The following IFT56 variants were observed in gnomAD, a reference collection of about 807,000 sequenced individuals.
IFT56 encodes the protein intraflagellar transport 56.
chr7:139,147,165 G>T, the IFT56 span: 1 of 1,612,930 alleles, frequency 6.2e-7, no homozygotes, highest in Non-Finnish European at 8.5e-7. Context: ...AGAAAAAATT[G>T]ATGAGCTTTC....
At chr7:139,187,631 CAT>C in the IFT56 span, 1 of 1,448,928 alleles carries the variant, frequency 6.9e-7, no homozygotes, top group Non-Finnish European at 9.5e-7. Flanking sequence ...TCTGAAAACA[CAT>C]GATTATAATG....
the IFT56 span, among the ~76,000 whole-genome samples, chr7:139,164,448 G>A: frequency 6.6e-6 from 1 of 152,152 alleles, no homozygotes; most frequent in African/African-American, 2.4e-5. Context: ...TTATGAAGAG[G>A]AAAAGAGAAG....
At chr7:139,179,860 T>C in the IFT56 span, among the ~76,000 whole-genome samples, 3 of 152,194 alleles carry the variant, frequency 2.0e-5, no homozygotes, top group African/African-American at 7.2e-5. Context: ...TTCTACTATA[T>C]AGCATTGACC....
At chr7:139,149,880 T>C in the IFT56 span, among the ~76,000 whole-genome samples, 1 of 152,092 alleles carries the variant, frequency 6.6e-6, no homozygotes, top group Admixed American at 6.6e-5. Flanking sequence ...CATAATTTTA[T>C]TTAACACATA....
At chr7:139,181,511 A>G in the IFT56 span, among the ~76,000 whole-genome samples, 1 of 152,222 alleles carries the variant, frequency 6.6e-6, no homozygotes, top group East Asian at 1.9e-4. Flanking sequence ...AGCTCAAGAA[A>G]AATGTCTTCT....
chr7:139,141,122 G>T, the IFT56 span, among the ~76,000 whole-genome samples: 1 of 151,238 alleles, frequency 6.6e-6, no homozygotes, highest in African/African-American at 2.4e-5. Flanking sequence ...TTAGCCAGGC[G>T]TGGTGGCGGG....
chr7:139,179,669 C>G, the IFT56 span: 2 of 1,545,120 alleles, frequency 1.3e-6, no homozygotes, highest in Non-Finnish European at 1.8e-6. Context: ...TTAAATATTA[C>G]AAGAAGAATC....
chr7:139,151,654 G>A, the IFT56 span, among the ~76,000 whole-genome samples: 1 of 152,172 alleles, frequency 6.6e-6, no homozygotes, highest in African/African-American at 2.4e-5. Context: ...TCCTTAACTT[G>A]ATATACATAG....
chr7:139,150,590 T>A, the IFT56 span, among the ~76,000 whole-genome samples: 6 of 152,298 alleles, frequency 3.9e-5, no homozygotes, highest in Admixed American at 2.6e-4. Flanking sequence ...GAAGGCTATG[T>A]CAAATGTACC....
the IFT56 span, among the ~76,000 whole-genome samples, chr7:139,145,189 C>A: frequency 6.6e-6 from 1 of 152,080 alleles, no homozygotes; most frequent in Non-Finnish European, 1.5e-5. Flanking sequence ...GGGGTCCCAA[C>A]TGATAGCTTG....
the IFT56 span, among the ~76,000 whole-genome samples, chr7:139,138,896 C>T: frequency 2.0e-5 from 3 of 151,492 alleles, no homozygotes; most frequent in Admixed American, 6.6e-5. Context: ...CTGCAACCTC[C>T]GCCTCCCGGG....
At chr7:139,162,235 A>G in the IFT56 span, among the ~76,000 whole-genome samples, 2 of 152,196 alleles carry the variant, frequency 1.3e-5, no homozygotes, top group African/African-American at 4.8e-5. Flanking sequence ...GAAATTAATG[A>G]TGCATGGGCC....
the IFT56 span, chr7:139,191,671 A>G: frequency 1.3e-5 from 2 of 152,216 alleles, no homozygotes; most frequent in African/African-American, 2.4e-5. Context: ...AAACATACAT[A>G]CTATTTTAAA....
chr7:139,151,304 G>T, the IFT56 span, among the ~76,000 whole-genome samples: 1 of 152,024 alleles, frequency 6.6e-6, no homozygotes, highest in African/African-American at 2.4e-5. Context: ...TCTCATAAAG[G>T]GTATGGCAGA....
At chr7:139,176,372 G>T in the IFT56 span, among the ~76,000 whole-genome samples, 1 of 151,860 alleles carries the variant, frequency 6.6e-6, no homozygotes, top group Non-Finnish European at 1.5e-5. Context: ...AAAAAATAAA[G>T]TAGATTAATA....
chr7:139,135,387 T>A, the IFT56 span, among the ~76,000 whole-genome samples: 1 of 152,202 alleles, frequency 6.6e-6, no homozygotes, highest in South Asian at 2.1e-4. Flanking sequence ...AGGGACCTTT[T>A]ATACAATGTC....
At chr7:139,173,497 G>A in the IFT56 span, 1 of 720,706 alleles carries the variant, frequency 1.4e-6, no homozygotes, top group Non-Finnish European at 2.6e-6. Context: ...CCAAAGTGCT[G>A]AGATTACAGG....
the IFT56 span, among the ~76,000 whole-genome samples, chr7:139,157,988 A>T: frequency 6.6e-6 from 1 of 152,094 alleles, no homozygotes; most frequent in South Asian, 2.1e-4. Flanking sequence ...GGGTTGCCAA[A>T]GCATGAGGAG....
the IFT56 span, chr7:139,172,741 T>C: frequency 3.2e-6 from 2 of 630,578 alleles, no homozygotes; most frequent in Non-Finnish European, 6.2e-6. Flanking sequence ...TGTAAGAGGG[T>C]GGAAGCGGCT....
Sources: gnomAD v4.1 joint callset for allele counts (sites outside exome capture counted in the v4.1 genomes callset) on GRCh38, gnomAD v4.1.1 for gene constraint, MANE v1.5 for transcripts, NCBI Gene and HGNC (gene_info 2026-07-23, HGNC 2026-07-21) for gene names.